C4orf36: variants seen among roughly 807,000 people sequenced by gnomAD.
C4orf36 encodes the protein chromosome 4 open reading frame 36.
Under a neutral mutation model 12.2 loss-of-function variants are expected in C4orf36, and 11 were observed. That is an observed-to-expected ratio of 0.90 (90% CI 0.57 to 1.49). The LOEUF (loss-of-function observed/expected upper bound fraction) is 1.49. Among genes scored for constraint, C4orf36 ranks in the 40% most tolerant of loss-of-function variants. The pLI is 0.00. For synonymous variants in C4orf36, 54 were observed against 51.3 expected (o/e 1.05, Z -0.22); for missense variants, 137 against 133.9 (o/e 1.02, Z -0.11).
chr4:86,908,218 C>CACACACACAT, the C4orf36 span, among the ~76,000 whole-genome samples: 78 of 148,596 alleles, frequency 5.2e-4, no homozygotes, highest in East Asian at 2.0e-3. Context: ...CACACACACA[C>CACACACACAT]GTTGCTGGTG....
chr4:86,887,286 A>C (rs1169878439), intron 4 of C4orf36: 1 of 152,194 alleles, frequency 6.6e-6, no homozygotes, highest in African/African-American at 2.4e-5. Context: ...ATTTAAAAAA[A>C]AGAAAATTGG....
the C4orf36 span, among the ~76,000 whole-genome samples, chr4:86,929,942 T>C: frequency 3.3e-5 from 5 of 152,182 alleles, no homozygotes; most frequent in Non-Finnish European, 7.3e-5. Flanking sequence ...GTTAGATACA[T>C]TGAATTTATT....
At chr4:86,922,974 GGGATCTTGCTAAGTTGCCCAGGAT>G in the C4orf36 span, among the ~76,000 whole-genome samples, 13 of 148,962 alleles carry the variant, frequency 8.7e-5, no homozygotes, top group African/African-American at 3.2e-4. Flanking sequence ...TTAAGAGATA[GGGATCTTGCTAAGTTGCCCAGGAT>G]GGTCTCCAAC....
At chr4:86,914,129 A>T in the C4orf36 span, 4 of 1,602,012 alleles carry the variant, frequency 2.5e-6, no homozygotes, top group Admixed American at 6.7e-5. Context: ...AGTAACAAAC[A>T]GAAATGAATC....
At position 86,876,249 on chromosome 4, in the gene C4orf36, C is replaced by A; in HGVS notation, c.*197G>T. 1 of 547,958 alleles carries A rather than the reference C, an allele frequency of 1.8e-6. No individual in the cohort carries two copies. Among genetic ancestry groups the A allele is most frequent in the Non-Finnish European group, 3.0e-6 (1 of 337,390 alleles). 33.9% of individuals were successfully genotyped at this position (547,958 alleles called of 1,614,324 possible). On this transcript the variant is annotated 3_prime_UTR_variant, in exon 5 of 5. Coordinates refer to ENST00000295898, the MANE Select transcript of C4orf36 (RefSeq NM_144645.4). ...AACTGGCAATGTTTAAAAAGAGAAA[C>A]AAACTGAGTTCCACTGAAATTAAGA...
At chr4:86,886,030 T>C (rs1747170455) in intron 4 of C4orf36, among the ~76,000 whole-genome samples, 2 of 152,338 alleles carry the variant, frequency 1.3e-5, no homozygotes, top group African/African-American at 4.8e-5. Context: ...GAACCAGCCT[T>C]GCATCCCAGG....
intron 4 of C4orf36, among the ~76,000 whole-genome samples, chr4:86,884,155 T>A (rs1333206006): frequency 6.6e-6 from 1 of 152,124 alleles, no homozygotes; most frequent in Non-Finnish European, 1.5e-5. Flanking sequence ...GTTGATCAAT[T>A]CCCCATCCCC....
At chr4:86,901,547 A>G in the C4orf36 span, among the ~76,000 whole-genome samples, 3 of 151,582 alleles carry the variant, frequency 2.0e-5, no homozygotes, top group African/African-American at 7.3e-5. Flanking sequence ...AGCTGGGACT[A>G]CAGGCACCCG....
chr4:86,919,315 C>CTTTTTTTTTTTTTTTTTTTTT, the C4orf36 span, among the ~76,000 whole-genome samples: 1 of 81,354 alleles, frequency 1.2e-5, no homozygotes, highest in Non-Finnish European at 2.1e-5. Context: ...TTTTTTCCCC[C>CTTTTTTTTTTTTTTTTTTTTT]TTTTTTTTTT....
chr4:86,897,855 C>T, the C4orf36 span, among the ~76,000 whole-genome samples: 1 of 152,192 alleles, frequency 6.6e-6, no homozygotes, highest in Non-Finnish European at 1.5e-5. Context: ...GCATCTGCCA[C>T]GGAGCAGCTT....
intron 4 of C4orf36, among the ~76,000 whole-genome samples, chr4:86,878,350 T>C (rs935363572): frequency 6.6e-6 from 1 of 152,192 alleles, no homozygotes; most frequent in Non-Finnish European, 1.5e-5. Context: ...CTCAAAGTTA[T>C]CCATAACCCC....
intron 4 of C4orf36, among the ~76,000 whole-genome samples, chr4:86,878,371 A>T (rs1746974614): frequency 6.6e-6 from 1 of 152,232 alleles, no homozygotes; most frequent in Non-Finnish European, 1.5e-5. Flanking sequence ...CAAATCCCAG[A>T]GTGATAGCAA....
chr4:86,913,309 A>G, the C4orf36 span: 3 of 754,214 alleles, frequency 4.0e-6, no homozygotes, highest in Non-Finnish European at 6.9e-6. Flanking sequence ...CTAAATTGTC[A>G]TGGCTCCACC....
At chr4:86,906,716 G>A in the C4orf36 span, among the ~76,000 whole-genome samples, 10 of 109,352 alleles carry the variant, frequency 9.1e-5, no homozygotes, top group Admixed American at 2.7e-4. Flanking sequence ...GGGCAACACA[G>A]CAAGACGGTC....
At chr4:86,928,697 A>G in the C4orf36 span, among the ~76,000 whole-genome samples, 1 of 152,056 alleles carries the variant, frequency 6.6e-6, no homozygotes, top group African/African-American at 2.4e-5. Context: ...TTCTTTTTAC[A>G]TCTCCATCCT....
chr4:86,901,909 A>G, the C4orf36 span, among the ~76,000 whole-genome samples: 6 of 152,210 alleles, frequency 3.9e-5, no homozygotes, highest in Non-Finnish European at 8.8e-5. Flanking sequence ...CTTGTTTAAA[A>G]ATAGGGTCTT....
the C4orf36 span, chr4:86,913,359 C>T: frequency 1.2e-6 from 1 of 824,512 alleles, no homozygotes; most frequent in Non-Finnish European, 2.1e-6. Context: ...CTTGCTTGCC[C>T]ACCTCATAAA....
intron 4 of C4orf36, among the ~76,000 whole-genome samples, chr4:86,877,795 T>C (rs1262677961): frequency 2.6e-5 from 4 of 152,238 alleles, no homozygotes; most frequent in African/African-American, 9.6e-5. Context: ...ACATGGATTA[T>C]AACCCCCAGG....
chr4:86,930,390 T>C, the C4orf36 span, among the ~76,000 whole-genome samples: 2 of 152,270 alleles, frequency 1.3e-5, no homozygotes, highest in Non-Finnish European at 2.9e-5. Context: ...ATGGAAGAGC[T>C]GAGTTCAAAT....
Sources: gnomAD v4.1 joint callset for allele counts (sites outside exome capture counted in the v4.1 genomes callset) on GRCh38, gnomAD v4.1.1 for gene constraint, MANE v1.5 for transcripts, NCBI Gene and HGNC (gene_info 2026-07-23, HGNC 2026-07-21) for gene names.